SRGAP3: variants seen among roughly 807,000 people sequenced by gnomAD.
SRGAP3 encodes SLIT-ROBO Rho GTPase activating protein 3.
SRGAP3 carries 39 observed loss-of-function variants against 121.1 expected under a neutral mutation model. The ratio of observed to expected loss-of-function variants is 0.32; its 90% CI spans 0.25 to 0.42. SRGAP3 has a LOEUF of 0.42. Ranked by LOEUF, SRGAP3 falls within the 10% of genes least tolerant of loss-of-function variation. The probability of loss-of-function intolerance (pLI) is 1.00; values close to 1 mark genes in which losing one functional copy is unlikely to be tolerated. For missense variants in SRGAP3, 1,213 were observed against 1,470.6 expected, an observed-to-expected ratio of 0.82 and a Z score of 2.86; for synonymous variants, 601 against 570.0, an observed-to-expected ratio of 1.05 and a Z score of -0.77.
chr3:9,297,383 G>T (rs1215247998), intron 3 of SRGAP3, among the ~76,000 whole-genome samples: 1 of 151,842 alleles, frequency 6.6e-6, no homozygotes, highest in Non-Finnish European at 1.5e-5. Context: ...GGCAAATTTG[G>T]GTTAAAGTCT....
intron 10 of SRGAP3, among the ~76,000 whole-genome samples, chr3:9,046,484 G>T (rs1408998212): frequency 6.6e-6 from 1 of 152,242 alleles, no homozygotes; most frequent in East Asian, 1.9e-4. Flanking sequence ...TGAGGTCAGG[G>T]AAGCAGGCAG....
chr3:9,164,923 G>A (rs1164582273), intron 1 of SRGAP3, among the ~76,000 whole-genome samples: 2 of 152,236 alleles, frequency 1.3e-5, no homozygotes, highest in Non-Finnish European at 1.5e-5. Flanking sequence ...AGGTTCCTGT[G>A]GCTACCAACC....
intron 1 of SRGAP3, among the ~76,000 whole-genome samples, chr3:9,125,391 G>A (rs1458517126): frequency 2.6e-5 from 4 of 152,150 alleles, no homozygotes; most frequent in African/African-American, 4.8e-5. Context: ...TTTACCAAAG[G>A]CTCTAAGCCT....
chr3:9,037,747 G>C (rs980435483), intron 11 of SRGAP3: 1 of 452,920 alleles, frequency 2.2e-6, no homozygotes, highest in Non-Finnish European at 4.0e-6. Flanking sequence ...GCCCCTACAG[G>C]CTGCCCTCAG....
At chr3:9,207,475 T>G (rs1179992304) in intron 1 of SRGAP3, among the ~76,000 whole-genome samples, 1 of 152,216 alleles carries the variant, frequency 6.6e-6, no homozygotes, top group African/African-American at 2.4e-5. Context: ...ATCATGATCA[T>G]CTATGTATTA....
At chr3:9,348,961 C>T in intron 1 of SRGAP3, 2 of 929,906 alleles carry the variant, frequency 2.2e-6, no homozygotes, top group Non-Finnish European at 3.6e-6. Flanking sequence ...TTCCCCAGAT[C>T]AAGGAGGGGA....
chr3:9,232,323 T>C (rs1240109335), intron 1 of SRGAP3, among the ~76,000 whole-genome samples: 1 of 152,198 alleles, frequency 6.6e-6, no homozygotes, highest in Non-Finnish European at 1.5e-5. Flanking sequence ...GAATACATGC[T>C]CATTTTTTTC....
Position 9,013,854 on chromosome 3 carries a change from A to C in SRGAP3, c.1814-12T>G. ...TGGGTTCTCCAGTTCTGTAACATAA[A>C]GGGGCCTTTCAGCGTGCCTTTCATC... On this transcript the variant is annotated splice_polypyrimidine_tract_variant and intron_variant, in intron 15 of 21. Coordinates refer to ENST00000383836, the MANE Select transcript of SRGAP3 (RefSeq NM_014850.4). 1 of 1,613,678 alleles carries C rather than the reference A, an allele frequency of 6.2e-7. No individual in the cohort carries two copies. Among genetic ancestry groups the C allele is most frequent in the Non-Finnish European group, 8.5e-7 (1 of 1,179,572 alleles).
At chr3:9,008,913 T>G (rs903220362) in intron 18 of SRGAP3, among the ~76,000 whole-genome samples, 1 of 152,004 alleles carries the variant, frequency 6.6e-6, no homozygotes, top group Non-Finnish European at 1.5e-5. Flanking sequence ...CACTGAGAGT[T>G]TGGGTAAGAT....
intron 1 of SRGAP3, among the ~76,000 whole-genome samples, chr3:9,202,001 C>T (rs1016717156): frequency 1.1e-4 from 17 of 150,816 alleles, no homozygotes; most frequent in Admixed American, 5.9e-4. Context: ...AGAAAAAAGT[C>T]GAATGCTTCT....
At chr3:9,072,191 G>A (rs756914749) in intron 4 of SRGAP3, among the ~76,000 whole-genome samples, 23 of 152,078 alleles carry the variant, frequency 1.5e-4, no homozygotes, top group African/African-American at 3.9e-4. Context: ...CCAGCATCCC[G>A]GGTGCTGCTT....
At chr3:9,319,687 A>T (rs1237095925) in intron 3 of SRGAP3, among the ~76,000 whole-genome samples, 1 of 151,882 alleles carries the variant, frequency 6.6e-6, no homozygotes, top group Non-Finnish European at 1.5e-5. Context: ...TCAAATTCTC[A>T]CTAGATTAGG....
chr3:9,347,902 A>C (rs1340107260), intron 1 of SRGAP3, among the ~76,000 whole-genome samples: 1 of 152,230 alleles, frequency 6.6e-6, no homozygotes, highest in Non-Finnish European at 1.5e-5. Flanking sequence ...CGTATGGAGG[A>C]AGAGAAGAGA....
At chr3:9,227,273 T>C (rs2648532) in intron 1 of SRGAP3, among the ~76,000 whole-genome samples, 113,792 of 152,100 alleles carry the variant, frequency 0.75, 42,787 homozygotes, top group South Asian at 0.82. Flanking sequence ...AAACAAAACA[T>C]GCTAGTGGGT....
intron 1 of SRGAP3, among the ~76,000 whole-genome samples, chr3:9,245,617 C>T (rs1358968511): frequency 6.6e-6 from 1 of 152,076 alleles, no homozygotes; most frequent in Non-Finnish European, 1.5e-5. Flanking sequence ...ATATTCAATG[C>T]AACATAAGAA....
At chr3:9,248,802 C>CG (rs1421760941) in intron 1 of SRGAP3, 83 bp downstream of exon 1, 28 of 1,374,410 alleles carry the variant, frequency 2.0e-5, no homozygotes, top group Middle Eastern at 1.8e-4. Context: ...GAGAGGAAAA[C>CG]GGGGGGCAGC....
intron 3 of SRGAP3, among the ~76,000 whole-genome samples, chr3:9,309,906 A>G (rs1234884474): frequency 6.6e-6 from 1 of 152,160 alleles, no homozygotes; most frequent in Admixed American, 6.5e-5. Flanking sequence ...CAACATGATC[A>G]TTCACTTATT....
chr3:9,252,840 T>C (rs1394125269), upstream of SRGAP3, among the ~76,000 whole-genome samples: 1 of 152,196 alleles, frequency 6.6e-6, no homozygotes, highest in Non-Finnish European at 1.5e-5. Context: ...AAACCAGATT[T>C]GTCTCCAAAT....
chr3:9,266,860 A>G (rs1448013902), intron 3 of SRGAP3, among the ~76,000 whole-genome samples: 2 of 152,120 alleles, frequency 1.3e-5, no homozygotes. Flanking sequence ...GGCTTTATGG[A>G]ATGTGGAAGT....
Sources: allele counts gnomAD v4.1 joint callset (sites outside exome capture counted in the v4.1 genomes callset), GRCh38; gene constraint gnomAD v4.1.1; transcripts MANE v1.5; gene names NCBI Gene and HGNC (gene_info 2026-07-23, HGNC 2026-07-21).